Variants in SLC37A1 observed in about 807,000 individuals in gnomAD.
SLC37A1 encodes the protein solute carrier family 37 member 1.
SLC37A1 carries 49 observed loss-of-function variants against 75.3 expected under a neutral mutation model. The ratio of observed to expected loss-of-function variants is 0.65; its 90% CI spans 0.52 to 0.83. The LOEUF (loss-of-function observed/expected upper bound fraction) is 0.83. Ranked by LOEUF, SLC37A1 falls within the 40% of genes least tolerant of loss-of-function variation. The probability of loss-of-function intolerance (pLI) is 0.00; values close to 1 mark genes in which losing one functional copy is unlikely to be tolerated. For synonymous variants in SLC37A1, 268 were observed against 292.1 expected (o/e 0.92, Z 0.84); for missense variants, 566 against 695.0 (o/e 0.81, Z 2.09).
Position 42,543,619 on chromosome 21 carries a change from T to G in SLC37A1, c.730+17T>G. 6.4e-7 allele frequency: 1 copy of G among 1,572,448 alleles called. No homozygotes were observed. Among genetic ancestry groups the G allele is most frequent in the Non-Finnish European group, 8.6e-7 (1 of 1,157,960 alleles). ...TCATTGAACGTAAGTGCACGTGGCCTTGGAGACCACCCACCAAGGGAGGCC... is the reference window on the plus strand; with the variant it reads ...TCATTGAACGTAAGTGCACGTGGCCGTGGAGACCACCCACCAAGGGAGGCC... On this transcript the variant is annotated intron_variant, in intron 8 of 19. Coordinates refer to ENST00000352133, the MANE Select transcript of SLC37A1 (RefSeq NM_001320537.2).
intron 17 of SLC37A1, among the ~76,000 whole-genome samples, chr21:42,569,024 G>A (rs1337150893): frequency 3.9e-5 from 6 of 152,232 alleles, no homozygotes; most frequent in African/African-American, 9.6e-5. Flanking sequence ...CCTGCCAGGC[G>A]AAAATCAGGA....
At chr21:42,519,644 T>A (rs760078457) in intron 2 of SLC37A1, among the ~76,000 whole-genome samples, 1 of 152,222 alleles carries the variant, frequency 6.6e-6, no homozygotes, top group Non-Finnish European at 1.5e-5. Context: ...CCCCCAGCCC[T>A]GTGCAGCTTC....
chr21:42,508,709 A>G (rs2054407443), intron 2 of SLC37A1: 1 of 152,170 alleles, frequency 6.6e-6, no homozygotes, highest in African/African-American at 2.4e-5. Flanking sequence ...ATCAAGTCCT[A>G]CTTCAGTTAG....
chr21:42,567,709 A>T (rs1490242858), intron 16 of SLC37A1, among the ~76,000 whole-genome samples: 1 of 152,098 alleles, frequency 6.6e-6, no homozygotes, highest in Non-Finnish European at 1.5e-5. Context: ...ACGCTGGTTC[A>T]TTTTTATAGT....
At chr21:42,554,631 C>G (rs1288016045) in intron 10 of SLC37A1, among the ~76,000 whole-genome samples, 1 of 152,146 alleles carries the variant, frequency 6.6e-6, no homozygotes, top group Admixed American at 6.5e-5. Flanking sequence ...GAGGTGCACA[C>G]AGAAAACTGA....
intron 12 of SLC37A1, 92 bp from the exon 13 acceptor site, chr21:42,563,723 G>T: frequency 8.6e-7 from 1 of 1,158,478 alleles, no homozygotes; most frequent in Non-Finnish European, 1.3e-6. Flanking sequence ...TGAAGCCAGA[G>T]TCCCGTGCAC....
chr21:42,579,204 G>A (rs1361538731), intron 18 of SLC37A1, among the ~76,000 whole-genome samples: 3 of 152,186 alleles, frequency 2.0e-5, no homozygotes, highest in Non-Finnish European at 2.9e-5. Flanking sequence ...CCTGGGCCCC[G>A]GCCAGGCCTG....
At chr21:42,579,663 T>G in intron 18 of SLC37A1, 73 bp from the exon 19 acceptor site, 1 of 1,552,826 alleles carries the variant, frequency 6.4e-7, no homozygotes. Context: ...GGCCAGGTCC[T>G]CATGGTGCCC....
chr21:42,518,618 A>G, intron 2 of SLC37A1, 108 bp downstream of exon 2: 3 of 1,237,582 alleles, frequency 2.4e-6, no homozygotes, highest in Non-Finnish European at 3.5e-6. Context: ...TAAAACTTGA[A>G]TCACTGACCT....
chr21:42,512,229 G>A (rs1182783933), upstream of SLC37A1, among the ~76,000 whole-genome samples: 1 of 108,842 alleles, frequency 9.2e-6, no homozygotes, highest in Admixed American at 1.3e-4. Context: ...TGGGTGGGGG[G>A]GAGGGGGGGT....
rs1235969932 is a variant in SLC37A1 at position 42,527,461 on chromosome 21, C to T, written c.138+1604C>T. Among the ~76,000 whole-genome samples the T allele has an allele frequency of 2.6e-5, 4 of 152,102 alleles. No individual in the cohort carries two copies. The South Asian group carries it at 6.2e-4, about 24-fold the overall frequency. On this transcript the variant is annotated intron_variant, in intron 3 of 19. Coordinates refer to ENST00000352133, the MANE Select transcript of SLC37A1 (RefSeq NM_001320537.2). ...TCAAGACTTAGGGCTTCTGAGGAGG[C>T]GGCGTCAGGGTCAGCTCTTAGTTCA...
Position 42,568,349 on chromosome 21 carries a change from CTCTCTTCT to C in SLC37A1, c.1345-10_1345-3del. ...GGCGATAACTGCACGTCTGTTTTTC[CTCTCTTCT>C]AGGGGACTCATAAAAGTCTGAAAGG... is the stretch of plus-strand genomic sequence containing the variant. On this transcript the variant is annotated splice_polypyrimidine_tract_variant and splice_region_variant and intron_variant, in intron 16 of 19. Transcript: ENST00000352133. 6.2e-7 allele frequency: 1 copy of C among 1,612,888 alleles called. No homozygotes were observed. Among genetic ancestry groups the C allele is most frequent in the African/African-American group, 1.3e-5 (1 of 75,040 alleles).
At chr21:42,502,543 C>T (rs1436074648) in intron 2 of SLC37A1, 3 of 152,218 alleles carry the variant, frequency 2.0e-5, no homozygotes, top group Non-Finnish European at 2.9e-5. Context: ...GTTTATTCTT[C>T]ACCTATGATA....
chr21:42,522,197 T>C (rs6586326), intron 2 of SLC37A1, among the ~76,000 whole-genome samples: 26,948 of 152,226 alleles, frequency 0.18, 3,990 homozygotes, highest in African/African-American at 0.41. Flanking sequence ...CATGACCCTA[T>C]TTCCAAATAA....
chr21:42,537,319 C>T (rs1330066068), intron 5 of SLC37A1, among the ~76,000 whole-genome samples: 1 of 152,180 alleles, frequency 6.6e-6, no homozygotes, highest in African/African-American at 2.4e-5. Flanking sequence ...GCTTCCTTAG[C>T]GCTTGGGTCT....
At chr21:42,570,688 G>A (rs2839557) in intron 17 of SLC37A1, among the ~76,000 whole-genome samples, 96,691 of 152,044 alleles carry the variant, frequency 0.64, 31,591 homozygotes, top group African/African-American at 0.73. Context: ...TAAAAGCAGA[G>A]GATCAGCATA....
intron 17 of SLC37A1, among the ~76,000 whole-genome samples, chr21:42,573,311 G>A (rs570353902): frequency 8.2e-5 from 12 of 146,182 alleles, no homozygotes; most frequent in African/African-American, 1.5e-4. Context: ...ACCCCCTTCC[G>A]TTCCCACTGC....
rs1393968264 is a variant in SLC37A1 at position 42,539,578 on chromosome 21, C to A, written c.417C>A (p.Ala139=). 1 of 1,614,022 alleles carries A rather than the reference C, an allele frequency of 6.2e-7. No individual in the cohort carries two copies. Residue 139 remains alanine (A), a synonymous_variant, in exon 6 of 20, where the codon GCC becomes GCA. Coordinates refer to ENST00000352133, the MANE Select transcript of SLC37A1 (RefSeq NM_001320537.2). ...CTTTCGGGATGCTCGCCAGCGGAGC[C>A]TTCACCGCCCTGTTCGGCTTAGGGT... The part of the protein sequence containing the change: ...YLTFGMLASG[A]FTALFGLGYF...
At chr21:42,535,644 G>A in intron 5 of SLC37A1, 94 bp downstream of exon 5, 2 of 1,101,520 alleles carry the variant, frequency 1.8e-6, no homozygotes, top group Admixed American at 1.9e-5. Flanking sequence ...AGGCGCGCGG[G>A]ATTGAGGCCC....
Sources: allele counts gnomAD v4.1 joint callset (sites outside exome capture counted in the v4.1 genomes callset), GRCh38; gene constraint gnomAD v4.1.1; transcripts MANE v1.5; gene names NCBI Gene and HGNC (gene_info 2026-07-23, HGNC 2026-07-21).